Variants in SBSN observed in about 807,000 individuals in gnomAD.
SBSN encodes suprabasin.
In SBSN, 33 loss-of-function variants were observed where a neutral mutation model predicts 42.8. That is an observed-to-expected ratio of 0.77 (90% CI 0.58 to 1.03). The LOEUF is 1.03. Ranked by LOEUF, SBSN falls within the 50% of genes least tolerant of loss-of-function variation. SBSN has a pLI of 0.00. For missense variants in SBSN, 646 were observed against 757.3 expected (o/e 0.85, Z 1.72); for synonymous variants, 276 against 307.0 (o/e 0.90, Z 1.06).
chr19:35,526,553 G>T, intron 1 of SBSN, 91 bp downstream of exon 1: 1 of 1,181,360 alleles, frequency 8.5e-7, no homozygotes, highest in East Asian at 2.5e-5. Context: ...AAGGCTACGC[G>T]GACCCCCCCG....
In SBSN at chr19:35,526,984, G is replaced by C; in HGVS notation, c.1298C>G (p.Ala433Gly). The change falls in exon 1 of 4, where the codon GCT (alanine) becomes GGT (glycine). Residue 433 changes from alanine to glycine, a missense_variant. Physicochemically the swap from Ala to Gly is moderately conservative, Grantham distance 60 (BLOSUM62 0). Transcript: ENST00000452271. ...GHDIHHTAGQAGKEGDIAVHG... is the reference protein window; with the variant it reads ...GHDIHHTAGQGGKEGDIAVHG... ...AACTGCTATGTCTCCCTCTTTCCCAGCCTGCCCTGCTGTGTGGTGAATGTC... is the reference window on the plus strand; with the variant it reads ...AACTGCTATGTCTCCCTCTTTCCCACCCTGCCCTGCTGTGTGGTGAATGTC... The C allele has an allele frequency of 6.4e-7, 1 of 1,552,440 alleles. No individual in the cohort carries two copies. The highest frequency in any genetic ancestry group is 8.7e-7 in the Non-Finnish European group (1 of 1,149,006).
rs12982653 is a variant in SBSN, at chr19:35,527,721, C to A, written c.561G>T (p.Arg187Ser). 3.4e-5 allele frequency: 51 copies of A among 1,486,610 alleles called. No individual in the cohort carries two copies. The highest frequency in any genetic ancestry group is 4.1e-5 in the Non-Finnish European group (46 of 1,112,256). The allele number at this position is 1,486,610 out of a possible 1,614,324, so 92.1% of individuals were successfully genotyped here. The change falls in exon 1 of 4, where the codon AGG becomes AGT. Residue 187 changes from arginine (R) to serine (S), a missense_variant. Physicochemically the swap from Arg to Ser is moderately radical, Grantham distance 110. Coordinates refer to ENST00000452271, the MANE Select transcript of SBSN (RefSeq NM_001166034.2). ...AAGQAGNEAG[R>S]FGQGVHHAAG... Reference sequence around the variant, plus strand: ...CAGCATGGTGGACTCCCTGGCCAAACCTCCCAGCCTCATTTCCGGCCTGCC... The same window carrying A: ...CAGCATGGTGGACTCCCTGGCCAAAACTCCCAGCCTCATTTCCGGCCTGCC...
At position 35,527,980 on chromosome 19, in the gene SBSN, A is replaced by G. The variant is rs769153281; in HGVS notation, c.302T>C (p.Ile101Thr). ...TCCTGCTTGTCCAATACCATGGTTG[A>G]TCTCATGGGCAACCTTGTCCATGCC... ...NHGMDKVAHEINHGIGQAGKE... is the reference protein window; with the variant it reads ...NHGMDKVAHETNHGIGQAGKE... The change falls in exon 1 of 4, where the codon ATC becomes ACC. Residue 101 changes from isoleucine (I) to threonine (T), a missense_variant. Ile to Thr is a moderately conservative substitution (Grantham distance 89). Transcript: ENST00000452271. 3 of 1,613,856 alleles carry G rather than the reference A, an allele frequency of 1.9e-6. No homozygotes were observed. The highest frequency in any genetic ancestry group is 1.7e-6 in the Non-Finnish European group (2 of 1,180,010).
At chr19:35,525,250 C>T (rs2071357364) in intron 1 of SBSN, among the ~76,000 whole-genome samples, 2 of 152,142 alleles carry the variant, frequency 1.3e-5, no homozygotes, top group Non-Finnish European at 2.9e-5. Context: ...CAGCCCTGAC[C>T]TCAAATCTAC....
chr19:35,528,308 A>G lies in SBSN; in HGVS notation c.-27T>C. On this transcript the variant is annotated 5_prime_UTR_variant, in exon 1 of 4. Coordinates refer to ENST00000452271, the MANE Select transcript of SBSN (RefSeq NM_001166034.2). ...TTGCTGGGAAGGTCGGGAAGGATGCAGAGAGGAGCCAGGGAAGCCACGCTG... is the reference window on the plus strand; with the variant it reads ...TTGCTGGGAAGGTCGGGAAGGATGCGGAGAGGAGCCAGGGAAGCCACGCTG... 6.4e-7 allele frequency: 1 copy of G among 1,571,816 alleles called. No individual in the cohort carries two copies. The highest frequency in any genetic ancestry group is 1.2e-5 in the South Asian group (1 of 85,582).
At position 35,526,778 on chromosome 19, in the gene SBSN, C is replaced by T; in HGVS notation, c.1504G>A (p.Ala502Thr). The change falls in exon 1 of 4, where the codon GCT (alanine) becomes ACT (threonine). Residue 502 changes from alanine to threonine, a missense_variant. By Grantham distance (58) the Ala-to-Thr change is moderately conservative. Coordinates refer to ENST00000452271, the MANE Select transcript of SBSN (RefSeq NM_001166034.2). The part of the protein sequence containing the change: ...EKLGQGVNHA[A>T]DQAGKEVEKL... ...TCCACTTCCTTTCCAGCCTGGTCAG[C>T]AGCATGGTTGACCCCTTGGCCAAGT... 1 of 1,613,864 alleles carries T rather than the reference C, an allele frequency of 6.2e-7. No individual in the cohort carries two copies. The highest frequency in any genetic ancestry group is 8.5e-7 in the Non-Finnish European group (1 of 1,179,950).
In SBSN at chr19:35,527,918, C is replaced by T. The variant is rs544486353; in HGVS notation, c.364G>A (p.Ala122Thr). ...AEKLGHGVNNAAGQVGKEADK... is the reference protein window; with the variant it reads ...AEKLGHGVNNTAGQVGKEADK... The stretch of plus-strand genomic sequence containing the variant: ...GCCTCCTTCCCAACCTGTCCAGCAG[C>T]GTTGTTGACCCCATGGCCAAGCTTC... The change falls in exon 1 of 4, where the codon GCT becomes ACT. Residue 122 changes from alanine to threonine, a missense_variant. By Grantham distance (58) the Ala-to-Thr change is moderately conservative. This residue lies in a region of SBSN where 190 missense variants were observed against 197.1 expected (regional missense o/e 0.96). Transcript: ENST00000452271. The T allele has an allele frequency of 6.4e-5, 103 of 1,614,170 alleles. 1 individual carries two copies. In the Admixed American group the frequency reaches 1.5e-3, roughly 23 times the overall value.
At chr19:35,523,619 G>A in intron 3 of SBSN, 86 bp from the exon 4 acceptor site, 1 of 1,339,632 alleles carries the variant, frequency 7.5e-7, no homozygotes, top group South Asian at 1.2e-5. Context: ...CTCGGGAGAA[G>A]CACAAGGGGA....
chr19:35,525,124 C>G (rs565427996), intron 1 of SBSN, among the ~76,000 whole-genome samples, 200 bp from the exon 2 acceptor site: 1 of 152,306 alleles, frequency 6.6e-6, no homozygotes, highest in African/African-American at 2.4e-5. Flanking sequence ...CTGCCTTTTC[C>G]TCCCCAAAGC....
Position 35,527,075 on chromosome 19 carries a change from T to C in SBSN, c.1207A>G (p.Arg403Gly), listed in dbSNP as rs763558114. Residue 403 changes from arginine (R) to glycine (G), a missense_variant, in exon 1 of 4, where the codon AGA becomes GGA. By Grantham distance (125) the Arg-to-Gly change is moderately radical. Coordinates refer to ENST00000452271, the MANE Select transcript of SBSN (RefSeq NM_001166034.2). Reference protein sequence around the residue: ...AASQVGKEEDRVVQGLHHGVS... With the variant: ...AASQVGKEEDGVVQGLHHGVS... ...CCATGATGGAGGCCTTGGACCACTCTGTCTTCCTCCTTCCCCACCTGCGAG... is the reference window on the plus strand; with the variant it reads ...CCATGATGGAGGCCTTGGACCACTCCGTCTTCCTCCTTCCCCACCTGCGAG... The C allele has an allele frequency of 3.2e-5, 49 of 1,537,964 alleles. No homozygotes were observed. The South Asian group carries it at 5.4e-4, about 17-fold the overall frequency.
chr19:35,524,642 CGGGAAG>C, intron 3 of SBSN, 63 bp downstream of exon 3: 1 of 1,561,270 alleles, frequency 6.4e-7, no homozygotes, highest in Admixed American at 1.7e-5. Context: ...AAACAGACAC[CGGGAAG>C]GGGTCGGGGT....
At position 35,528,236 on chromosome 19, in the gene SBSN, G is replaced by A. The variant is rs775165070; in HGVS notation, c.46C>T (p.Leu16=). The change falls in exon 1 of 4, where the codon CTG becomes TTG. Residue 16 remains leucine, a synonymous_variant. Transcript: ENST00000452271. ...LVGSCSLLLL[L]GALSGWAASD... ...GCCGCCCATCCAGACAGGGCCCCCA[G>A]TAGCAGAAGGAGGGAGCAGGAGCCG... 3.1e-6 allele frequency: 5 copies of A among 1,613,670 alleles called. No homozygotes were observed. Among genetic ancestry groups the A allele is most frequent in the East Asian group, 4.5e-5 (2 of 44,858 alleles).
In SBSN at chr19:35,527,291, T is replaced by C. The variant is rs1478657785; in HGVS notation, c.991A>G (p.Arg331Gly). The change falls in exon 1 of 4, where the codon AGG becomes GGG. Residue 331 changes from arginine (R) to glycine (G), a missense_variant. Physicochemically the swap from Arg to Gly is moderately radical, Grantham distance 125 (BLOSUM62 -2). This residue lies in a region of SBSN where 220 missense variants were observed against 334.5 expected (regional missense o/e 0.66). Transcript: ENST00000452271. Reference sequence around the variant, plus strand: ...CCATGGTGGACCCCCTGGCCAAACCTCCCAGCCTCATTTCCGGCCTGCCCC... The same window carrying C: ...CCATGGTGGACCCCCTGGCCAAACCCCCCAGCCTCATTTCCGGCCTGCCCC... ...AAGQAGNEAG[R>G]FGQGVHHGLS... The C allele has an allele frequency of 2.0e-6, 3 of 1,532,616 alleles. No individual in the cohort carries two copies. Among genetic ancestry groups the C allele is most frequent in the Non-Finnish European group, 2.6e-6 (3 of 1,145,846 alleles). The allele number at this position is 1,532,616 out of a possible 1,614,324, so 94.9% of individuals were successfully genotyped here. A position where few individuals can be genotyped will look rare whatever the true frequency, so the allele number is the denominator to read the frequency against.
At chr19:35,526,497 G>A in intron 1 of SBSN, 147 bp downstream of exon 1, 1 of 750,430 alleles carries the variant, frequency 1.3e-6, no homozygotes, top group Non-Finnish European at 2.1e-6. Context: ...ATGGGGAAGG[G>A]GGAGGAACCC....
chr19:35,527,383 G>T lies in SBSN; in HGVS notation c.899C>A (p.Ala300Asp), dbSNP rs1478746658. 2 of 1,394,308 alleles carry T rather than the reference G, an allele frequency of 1.4e-6. No individual in the cohort carries two copies. The highest frequency in any genetic ancestry group is 1.3e-5 in the South Asian group (1 of 79,450). The allele number at this position is 1,394,308 out of a possible 1,614,324, so 86.4% of individuals were successfully genotyped here. A position where few individuals can be genotyped will look rare whatever the true frequency, so the allele number is the denominator to read the frequency against. The change falls in exon 1 of 4, where the codon GCC (alanine) becomes GAC (aspartate). Residue 300 changes from alanine to aspartate, a missense_variant. Physicochemically the swap from Ala to Asp is moderately radical, Grantham distance 126. Coordinates refer to ENST00000452271, the MANE Select transcript of SBSN (RefSeq NM_001166034.2). ...TCCGGCCTGCCCCGCAGCATGGTGG[G>T]CCCCCTGGCCAAACTTCTCTGCCTC... ...GKEAEKFGQGAHHAAGQAGNE... is the reference protein window; with the variant it reads ...GKEAEKFGQGDHHAAGQAGNE...
At position 35,523,458 on chromosome 19, in the gene SBSN, C is replaced by T; in HGVS notation, c.*52G>A. On this transcript the variant is annotated 3_prime_UTR_variant, in exon 4 of 4. Coordinates refer to ENST00000452271, the MANE Select transcript of SBSN (RefSeq NM_001166034.2). Reference sequence around the variant, plus strand: ...CACCCCCAACCCCTCCAGGTCATGTCAGCTGATGTGACAACGGCGACATTA... The same window carrying T: ...CACCCCCAACCCCTCCAGGTCATGTTAGCTGATGTGACAACGGCGACATTA... 6.2e-7 allele frequency: 1 copy of T among 1,600,514 alleles called. No homozygotes were observed. Among genetic ancestry groups the T allele is most frequent in the Non-Finnish European group, 8.6e-7 (1 of 1,167,856 alleles).
At chr19:35,525,510 G>A (rs1422944891) in intron 1 of SBSN, among the ~76,000 whole-genome samples, 7 of 133,068 alleles carry the variant, frequency 5.3e-5, no homozygotes, top group South Asian at 4.8e-4. Context: ...TCTGGACTTC[G>A]ACGTCTGAGC....
chr19:35,524,550 G>A (rs1268273229), intron 3 of SBSN, among the ~76,000 whole-genome samples, 161 bp downstream of exon 3: 1 of 152,100 alleles, frequency 6.6e-6, no homozygotes, highest in African/African-American at 2.4e-5. Flanking sequence ...GGGAGCAGGT[G>A]GAGAGAGGGA....
intron 1 of SBSN, 131 bp from the exon 2 acceptor site, chr19:35,525,055 C>T: frequency 3.3e-6 from 3 of 896,432 alleles, no homozygotes; most frequent in Non-Finnish European, 5.3e-6. Context: ...AACCCACTGC[C>T]TCCTCACTGT....
Sources: gnomAD v4.1 joint callset for allele counts (sites outside exome capture counted in the v4.1 genomes callset) on GRCh38, gnomAD v4.1.1 for gene constraint, gnomAD v4.1.1 regional missense constraint, MANE v1.5 for transcripts, NCBI Gene and HGNC (gene_info 2026-07-23, HGNC 2026-07-21) for gene names.